The following ADGRL3 variants were observed in gnomAD, a reference collection of about 807,000 sequenced individuals.
ADGRL3 encodes the protein adhesion G protein-coupled receptor L3, also known as calcium-independent alpha-latrotoxin receptor 3.
ADGRL3 carries 62 observed loss-of-function variants against 153.5 expected under a neutral mutation model. The observed-to-expected ratio is 0.40, with a 90% CI of 0.33 to 0.50. The LOEUF is 0.50. ADGRL3 is among the 20% of genes least tolerant of loss of function. ADGRL3 has a pLI of 0.47. For synonymous variants in ADGRL3, 710 were observed against 672.5 expected (o/e 1.06, Z -0.86); for missense variants, 1,641 against 1,859.4 (o/e 0.88, Z 2.16).
At chr4:61,445,460 T>C (rs542472230) in intron 2 of ADGRL3, among the ~76,000 whole-genome samples, 29 of 152,194 alleles carry the variant, frequency 1.9e-4, no homozygotes, top group Non-Finnish European at 2.2e-4. Context: ...ACTGTTTAAC[T>C]TGGGTTCTAA....
intron 2 of ADGRL3, chr4:61,427,304 T>G (rs1360209945): frequency 2.2e-4 from 34 of 152,714 alleles, no homozygotes; most frequent in Non-Finnish European, 1.5e-5. Context: ...TTCCATACCA[T>G]TCTATGACAG....
intron 21 of ADGRL3, among the ~76,000 whole-genome samples, chr4:62,006,797 T>C (rs1176598090): frequency 1.3e-5 from 2 of 151,930 alleles, no homozygotes; most frequent in African/African-American, 4.8e-5. Flanking sequence ...AGCAAACAAT[T>C]GAAATGGTGA....
In ADGRL3 at chr4:61,310,761, C is replaced by G. The variant is rs1383800120; in HGVS notation, c.-239-72363C>G. ...TTTTTTTTTTTTAAATTCCTTTGTT[C>G]CCTTTCCTTTCATCTGCTGCTTTTT... On this transcript the variant is annotated intron_variant, in intron 1 of 26. Coordinates refer to ENST00000683033, the MANE Select transcript of ADGRL3 (RefSeq NM_001387552.1). Among the ~76,000 whole-genome samples the G allele has an allele frequency of 3.4e-5, 5 of 147,472 alleles. No individual in the cohort carries two copies. In the East Asian group the frequency reaches 8.0e-4, roughly 24 times the overall value.
At chr4:61,841,037 A>G (rs895000175) in intron 9 of ADGRL3, among the ~76,000 whole-genome samples, 1 of 152,164 alleles carries the variant, frequency 6.6e-6, no homozygotes, top group Non-Finnish European at 1.5e-5. Flanking sequence ...AACATTGTGA[A>G]CTAAAGATTT....
At chr4:61,858,626 C>G (rs2098306285) in intron 9 of ADGRL3, among the ~76,000 whole-genome samples, 1 of 151,976 alleles carries the variant, frequency 6.6e-6, no homozygotes, top group African/African-American at 2.4e-5. Flanking sequence ...GTCTCAAAAA[C>G]AAAAAACAAA....
chr4:61,576,043 G>A (rs2098877421), intron 4 of ADGRL3, among the ~76,000 whole-genome samples: 2 of 151,784 alleles, frequency 1.3e-5, no homozygotes, highest in Admixed American at 6.6e-5. Context: ...CCTTTTCACC[G>A]GTTTCCTGTG....
At chr4:61,946,561 G>A (rs1260915322) in intron 15 of ADGRL3, among the ~76,000 whole-genome samples, 1 of 151,840 alleles carries the variant, frequency 6.6e-6, no homozygotes, top group Non-Finnish European at 1.5e-5. Flanking sequence ...TAAATGTTTT[G>A]GAGTCTTATT....
intron 4 of ADGRL3, among the ~76,000 whole-genome samples, chr4:61,539,191 C>A (rs2098675323): frequency 6.6e-6 from 1 of 152,184 alleles, no homozygotes; most frequent in South Asian, 2.1e-4. Flanking sequence ...TTCATGCAAA[C>A]CTGTGCAGTG....
At chr4:61,670,511 C>T (rs1472981466) in intron 5 of ADGRL3, among the ~76,000 whole-genome samples, 1 of 151,940 alleles carries the variant, frequency 6.6e-6, no homozygotes, top group Non-Finnish European at 1.5e-5. Context: ...AAAGAAACAC[C>T]ATTTTGTTGC....
chr4:61,395,925 C>T (rs1367852122), intron 2 of ADGRL3, among the ~76,000 whole-genome samples: 3 of 151,826 alleles, frequency 2.0e-5, no homozygotes, highest in African/African-American at 7.2e-5. Flanking sequence ...CTGTTGAGAG[C>T]GCATTGTGCT....
intron 8 of ADGRL3, among the ~76,000 whole-genome samples, chr4:61,746,593 G>A (rs1436344881): frequency 5.9e-5 from 9 of 152,208 alleles, no homozygotes; most frequent in Non-Finnish European, 1.0e-4. Flanking sequence ...TGAACAACCT[G>A]CTCCTGAATG....
At chr4:61,848,573 G>A (rs911981321) in intron 9 of ADGRL3, among the ~76,000 whole-genome samples, 3 of 151,932 alleles carry the variant, frequency 2.0e-5, no homozygotes, top group African/African-American at 7.3e-5. Flanking sequence ...TCCAAATAAG[G>A]TCACATTCAC....
At chr4:61,536,919 T>C (rs148721109) in intron 4 of ADGRL3, among the ~76,000 whole-genome samples, 1 of 152,236 alleles carries the variant, frequency 6.6e-6, no homozygotes, top group East Asian at 1.9e-4. Flanking sequence ...ATTCTTGTCA[T>C]AGTGTTGTTA....
chr4:61,935,114 G>A, intron 14 of ADGRL3, 91 bp downstream of exon 14: 1 of 1,031,486 alleles, frequency 9.7e-7, no homozygotes, highest in Non-Finnish European at 1.4e-6. Context: ...CTAGATATGA[G>A]TGATGCTTTA....
At chr4:61,372,914 G>A (rs546935987) in intron 1 of ADGRL3, among the ~76,000 whole-genome samples, 10 of 152,354 alleles carry the variant, frequency 6.6e-5, no homozygotes, top group Admixed American at 2.6e-4. Flanking sequence ...AGCCAGGTGC[G>A]GGATATAATC....
At chr4:61,596,016 T>C (rs767375507) in intron 5 of ADGRL3, among the ~76,000 whole-genome samples, 9 of 152,150 alleles carry the variant, frequency 5.9e-5, no homozygotes, top group Non-Finnish European at 1.3e-4. Context: ...CTGTGCCTCA[T>C]GACCACAGCC....
At chr4:61,423,498 C>A (rs971841865) in intron 2 of ADGRL3, among the ~76,000 whole-genome samples, 7 of 152,196 alleles carry the variant, frequency 4.6e-5, no homozygotes, top group African/African-American at 1.7e-4. Context: ...CTTTATGCTA[C>A]ATCAACATGA....
At chr4:61,821,552 T>G (rs1272147379) in intron 9 of ADGRL3, among the ~76,000 whole-genome samples, 1 of 151,974 alleles carries the variant, frequency 6.6e-6, no homozygotes, top group East Asian at 1.9e-4. Flanking sequence ...ATAAATCTAG[T>G]GAATTTTGTT....
At chr4:61,572,935 T>C (rs1579609210) in intron 4 of ADGRL3, among the ~76,000 whole-genome samples, 1 of 152,040 alleles carries the variant, frequency 6.6e-6, no homozygotes, top group Non-Finnish European at 1.5e-5. Context: ...AGGATCTTTA[T>C]GTAAATGATC....
Sources: gnomAD v4.1 joint callset for allele counts (sites outside exome capture counted in the v4.1 genomes callset) on GRCh38, gnomAD v4.1.1 for gene constraint, MANE v1.5 for transcripts, NCBI Gene and HGNC (gene_info 2026-07-23, HGNC 2026-07-21) for gene names.